The following COG6 variants were observed in gnomAD, a reference collection of about 807,000 sequenced individuals.
COG6 encodes the protein component of oligomeric golgi complex 6.
A neutral mutation model predicts 88.8 loss-of-function variants in COG6; 74 were observed. The observed-to-expected ratio is 0.83, with a 90% CI of 0.69 to 1.01. The LOEUF is 1.01. Among genes scored for constraint, COG6 ranks in the 50% least tolerant of loss-of-function variants. The probability of loss-of-function intolerance (pLI) is 0.00; values close to 1 mark genes in which losing one functional copy is unlikely to be tolerated. For synonymous variants in COG6, 286 were observed against 278.7 expected (o/e 1.03, Z -0.26); for missense variants, 800 against 797.9 (o/e 1.00, Z -0.03).
downstream of COG6, among the ~76,000 whole-genome samples, chr13:39,757,010 A>G (rs2138158119): frequency 6.6e-6 from 1 of 152,348 alleles, no homozygotes; most frequent in Non-Finnish European, 1.5e-5. Context: ...CAGTGGAACA[A>G]TCCACCCAAC....
chr13:39,677,407 T>C lies in COG6; in HGVS notation c.429-61T>C, dbSNP rs541580051. 9.8e-5 allele frequency: 90 copies of C among 918,752 alleles called. No homozygotes were observed. The African/African-American group carries it at 1.1e-3, about 11-fold the overall frequency. 56.9% of individuals were successfully genotyped at this position (918,752 alleles called of 1,614,324 possible). A position where few individuals can be genotyped will look rare whatever the true frequency, so the allele number is the denominator to read the frequency against. ...TTTATTATGTCTGAGATAGAATTTG[T>C]TTTAAAGCTATGCAACTGTGTAAGA... On this transcript the variant is annotated intron_variant, in intron 4 of 18. Coordinates refer to ENST00000455146, the MANE Select transcript of COG6 (RefSeq NM_020751.3).
rs559870555 is a variant in COG6 at position 39,740,032 on chromosome 13, A to G, written c.1827-10914A>G. ...ATAGTCACAGGATTGTTTCCTAGAAATAAATTTGATAATATACGTGGAAAA... is the reference window on the plus strand; with the variant it reads ...ATAGTCACAGGATTGTTTCCTAGAAGTAAATTTGATAATATACGTGGAAAA... On this transcript the variant is annotated intron_variant, in intron 18 of 18. Coordinates refer to ENST00000455146, the MANE Select transcript of COG6 (RefSeq NM_020751.3). Among the ~76,000 whole-genome samples the G allele has an allele frequency of 1.5e-3, 231 of 152,278 alleles. 2 individuals are homozygous for G. Among genetic ancestry groups the G allele is most frequent in the African/African-American group, 5.1e-3 (214 of 41,574 alleles).
intron 18 of COG6, among the ~76,000 whole-genome samples, chr13:39,784,274 G>A (rs1231903434): frequency 1.3e-5 from 2 of 152,202 alleles, no homozygotes; most frequent in Admixed American, 6.5e-5. Context: ...CCCGTCAGGA[G>A]AACATCCTAT....
chr13:39,747,711 A>C (rs1036834978), intron 18 of COG6, among the ~76,000 whole-genome samples: 5 of 152,154 alleles, frequency 3.3e-5, no homozygotes, highest in African/African-American at 1.2e-4. Flanking sequence ...GCAGACTTAC[A>C]GTGGATTTTC....
At position 39,751,702 on chromosome 13, in the gene COG6, A is replaced by G. The variant is rs1341322604; in HGVS notation, c.*609A>G. The G allele has an allele frequency of 7.8e-7, 1 of 1,286,834 alleles. No homozygotes were observed. Among genetic ancestry groups the G allele is most frequent in the Non-Finnish European group, 1.0e-6 (1 of 988,484 alleles). 79.7% of individuals were successfully genotyped at this position (1,286,834 alleles called of 1,614,324 possible). ...GCATACTATATATATTTGACTGTGT[A>G]CATTCTTATGCAATTTTAAGTATAC... On this transcript the variant is annotated 3_prime_UTR_variant, in exon 19 of 19. Coordinates refer to ENST00000455146, the MANE Select transcript of COG6 (RefSeq NM_020751.3).
intron 13 of COG6, among the ~76,000 whole-genome samples, chr13:39,715,516 T>TA (rs1878481958): frequency 6.6e-6 from 1 of 152,126 alleles, no homozygotes; most frequent in Non-Finnish European, 1.5e-5. Flanking sequence ...ATTTCTATAT[T>TA]ATAGCTATTA....
intron 18 of COG6, among the ~76,000 whole-genome samples, chr13:39,745,213 A>T (rs541335268): frequency 3.9e-5 from 6 of 152,344 alleles, no homozygotes; most frequent in Admixed American, 3.9e-4. Flanking sequence ...ACCAAAAGCA[A>T]TGGCAACAAA....
intron 18 of COG6, among the ~76,000 whole-genome samples, chr13:39,745,583 A>G (rs1300260938): frequency 6.6e-6 from 1 of 152,184 alleles, no homozygotes; most frequent in East Asian, 1.9e-4. Context: ...AAAAGTCAGG[A>G]AACAACGGAT....
At chr13:39,749,023 G>A (rs1880485392) in intron 18 of COG6, among the ~76,000 whole-genome samples, 1 of 152,186 alleles carries the variant, frequency 6.6e-6, no homozygotes. Context: ...CAAAGAATGT[G>A]TTCTGTTGAT....
At chr13:39,788,623 G>A (rs1881847698) in exon 19 of COG6, 1 of 467,090 alleles carries the variant, frequency 2.1e-6, no homozygotes, top group Admixed American at 3.5e-5. Flanking sequence ...GCTTAAATAA[G>A]TAAATGTATG....
intron 18 of COG6, among the ~76,000 whole-genome samples, chr13:39,758,925 C>T (rs1880929272): frequency 6.6e-6 from 1 of 152,054 alleles, no homozygotes; most frequent in African/African-American, 2.4e-5. Flanking sequence ...CATGCTACAA[C>T]ATGGATGAAT....
chr13:39,682,029 T>C, intron 7 of COG6, 142 bp from the exon 8 acceptor site: 2 of 642,484 alleles, frequency 3.1e-6, no homozygotes, highest in Admixed American at 5.4e-5. Flanking sequence ...AAATTCATTT[T>C]TGATTGGTGT....
intron 13 of COG6, among the ~76,000 whole-genome samples, chr13:39,717,123 C>T (rs1482938872): frequency 1.3e-5 from 2 of 152,162 alleles, no homozygotes; most frequent in South Asian, 2.1e-4. Flanking sequence ...CAGTTTATTT[C>T]AGCCTGTGAC....
chr13:39,788,654 T>C (rs894581932), exon 19 of COG6: 1 of 382,030 alleles, frequency 2.6e-6, no homozygotes. Flanking sequence ...AAATGGTGTC[T>C]GTCTAAGTGT....
intron 18 of COG6, among the ~76,000 whole-genome samples, chr13:39,767,851 A>G (rs1188875698): frequency 1.3e-5 from 2 of 152,244 alleles, no homozygotes; most frequent in Admixed American, 1.3e-4. Flanking sequence ...AAGGTGAGCT[A>G]GAGACAGCAA....
chr13:39,734,299 T>C (rs1307351742), intron 18 of COG6, among the ~76,000 whole-genome samples: 1 of 152,128 alleles, frequency 6.6e-6, no homozygotes, highest in Non-Finnish European at 1.5e-5. Context: ...GTATGTTGTT[T>C]CCATTTTCAG....
chr13:39,704,698 C>T (rs1000687599), intron 13 of COG6, among the ~76,000 whole-genome samples: 2 of 151,930 alleles, frequency 1.3e-5, no homozygotes, highest in Admixed American at 1.3e-4. Flanking sequence ...TGACATCTTC[C>T]AATTAAAACT....
chr13:39,728,029 A>C (rs1393278507), intron 18 of COG6, among the ~76,000 whole-genome samples: 1 of 152,168 alleles, frequency 6.6e-6, no homozygotes, highest in Non-Finnish European at 1.5e-5. Flanking sequence ...GAATATAACA[A>C]TTAGAAGAAG....
chr13:39,752,835 A>G (rs1218065777), downstream of COG6, among the ~76,000 whole-genome samples: 1 of 152,180 alleles, frequency 6.6e-6, no homozygotes, highest in Non-Finnish European at 1.5e-5. Flanking sequence ...TATAACACCT[A>G]AATTTGCTAT....
Sources: allele counts gnomAD v4.1 joint callset (sites outside exome capture counted in the v4.1 genomes callset), GRCh38; gene constraint gnomAD v4.1.1; transcripts MANE v1.5; gene names NCBI Gene and HGNC (gene_info 2026-07-23, HGNC 2026-07-21).